The following NAPEPLD variants were observed in gnomAD, a reference collection of about 807,000 sequenced individuals.
NAPEPLD encodes the protein N-acyl phosphatidylethanolamine phospholipase D, also known as N-acyl-phosphatidylethanolamine-hydrolyzing phospholipase D.
A neutral mutation model predicts 38.1 loss-of-function variants in NAPEPLD; 23 were observed. The observed-to-expected ratio is 0.60, with a 90% CI of 0.43 to 0.86. NAPEPLD has a LOEUF of 0.86. NAPEPLD is among the 40% of genes least tolerant of loss of function. NAPEPLD has a pLI of 0.00. For missense variants in NAPEPLD, 411 were observed against 476.8 expected (o/e 0.86, Z 1.28); for synonymous variants, 147 against 162.0 (o/e 0.91, Z 0.71).
At chr7:103,119,544 T>A (rs1370034345) in intron 3 of NAPEPLD, 33 bp downstream of exon 3, 1 of 1,570,348 alleles carries the variant, frequency 6.4e-7, no homozygotes, top group African/African-American at 1.4e-5. Flanking sequence ...ATTTATCACA[T>A]AGCAGGAATG....
intron 2 of NAPEPLD, among the ~76,000 whole-genome samples, chr7:103,120,472 CT>C (rs1806425238): frequency 6.6e-6 from 1 of 151,940 alleles, no homozygotes; most frequent in South Asian, 2.1e-4. Context: ...AAATTTAAAA[CT>C]TTGAGTGCTG....
intron 2 of NAPEPLD, among the ~76,000 whole-genome samples, chr7:103,122,449 T>A (rs1806907463): frequency 6.6e-6 from 1 of 151,968 alleles, no homozygotes; most frequent in South Asian, 2.1e-4. Flanking sequence ...AGAGGGCAGA[T>A]GGGGAGATGC....
chr7:103,138,573 A>G (rs1214496494), intron 1 of NAPEPLD, among the ~76,000 whole-genome samples: 1 of 151,558 alleles, frequency 6.6e-6, no homozygotes, highest in African/African-American at 2.4e-5. Flanking sequence ...GGTTCAAACG[A>G]TTCTCCTGCC....
intron 4 of NAPEPLD, among the ~76,000 whole-genome samples, chr7:103,111,935 T>A (rs1804609800): frequency 6.6e-6 from 1 of 151,708 alleles, no homozygotes; most frequent in African/African-American, 2.4e-5. Context: ...CATCAAAAAG[T>A]GGGCAAAGGA....
intron 4 of NAPEPLD, among the ~76,000 whole-genome samples, chr7:103,112,435 G>A (rs1291540869): frequency 6.6e-6 from 1 of 152,172 alleles, no homozygotes; most frequent in Non-Finnish European, 1.5e-5. Flanking sequence ...AGAAAAGGAT[G>A]AGTTCATGTC....
intron 2 of NAPEPLD, among the ~76,000 whole-genome samples, chr7:103,124,431 C>T (rs866094144): frequency 1.3e-5 from 2 of 151,734 alleles, no homozygotes; most frequent in African/African-American, 4.8e-5. Context: ...GCACTCCAGC[C>T]TGGGCAACAA....
intron 1 of NAPEPLD, chr7:103,129,449 AT>A: frequency 2.8e-6 from 1 of 359,640 alleles, no homozygotes; most frequent in Non-Finnish European, 3.9e-6. Flanking sequence ...TCATACATGT[AT>A]TTAGAAAACA....
Position 103,128,544 on chromosome 7 carries a change from G to C in NAPEPLD, c.233C>G (p.Pro78Arg). The C allele has an allele frequency of 2.5e-6, 4 of 1,614,184 alleles. No individual in the cohort carries two copies. The highest frequency in any genetic ancestry group is 3.4e-6 in the Non-Finnish European group (4 of 1,180,038). ...CATTATCAGCCATCTGAGAACATTT[G>C]GAATAGAGGGGTTTTTCCATGTTGG... The part of the protein sequence containing the change: ...PWPTWKNPSI[P>R]NVLRWLIMEK... The change falls in exon 2 of 5, where the codon CCA (proline) becomes CGA (arginine). Residue 78 changes from proline to arginine, a missense_variant. Physicochemically the swap from Pro to Arg is moderately radical, Grantham distance 103. Coordinates refer to ENST00000465647, the MANE Select transcript of NAPEPLD (RefSeq NM_001122838.3).
intron 2 of NAPEPLD, among the ~76,000 whole-genome samples, chr7:103,125,019 AAAAAG>A (rs1219297743): frequency 6.6e-6 from 1 of 152,230 alleles, no homozygotes; most frequent in Non-Finnish European, 1.5e-5. Flanking sequence ...TAATGAGACA[AAAAAG>A]AAAGATGTGA....
At chr7:103,135,949 C>T (rs1432972839) in intron 1 of NAPEPLD, among the ~76,000 whole-genome samples, 5 of 152,040 alleles carry the variant, frequency 3.3e-5, no homozygotes, top group Non-Finnish European at 7.4e-5. Context: ...GTCTGTTAGT[C>T]ATTTAAGGAG....
Position 103,125,570 on chromosome 7 carries a change from G to A in NAPEPLD, c.294+2913C>T, listed in dbSNP as rs1056814943. On this transcript the variant is annotated intron_variant, in intron 2 of 4. Transcript: ENST00000465647. ...TTTTCAGTCATCCCTACGACTCTAC[G>A]AGACACAAGGTTTAAAAATGAAACA... Among the ~76,000 whole-genome samples the A allele has an allele frequency of 3.3e-5, 5 of 151,970 alleles. 1 individual carries two copies. Among genetic ancestry groups the A allele is most frequent in the East Asian group, 1.9e-4 (1 of 5,186 alleles).
rs1198171178 is a variant in NAPEPLD at position 103,115,140 on chromosome 7, C to A, written c.976G>T (p.Glu326Ter). The A allele has an allele frequency of 2.5e-6, 4 of 1,613,956 alleles. No individual in the cohort carries two copies. Among genetic ancestry groups the A allele is most frequent in the Non-Finnish European group, 1.7e-6 (2 of 1,179,936 alleles). The change falls in exon 4 of 5, where the codon GAA (glutamate) becomes TAA (stop). Residue 326 changes from glutamate (E) to a stop codon, truncating the protein, a stop_gained. Transcript: ENST00000465647. LOFTEE classifies it high-confidence loss of function. ...FMKYQHVDPE[E>*]AVRIHTDVQT... ...ACATCAGTGTGAATCCTTACAGCTT[C>A]TTCTGGGTCTACATGCTGGTATTTC...
intron 4 of NAPEPLD, among the ~76,000 whole-genome samples, chr7:103,111,142 C>T (rs1387793222): frequency 6.6e-6 from 1 of 152,168 alleles, no homozygotes. Context: ...ATTCCATGCT[C>T]ATGGATAGGA....
chr7:103,141,327 T>C (rs1811305762), intron 1 of NAPEPLD: 2 of 618,264 alleles, frequency 3.2e-6, no homozygotes, highest in Non-Finnish European at 6.1e-6. Flanking sequence ...GAGGCCAGTA[T>C]GTACACACAA....
chr7:103,120,321 T>A, intron 2 of NAPEPLD, 98 bp from the exon 3 acceptor site: 1 of 1,355,142 alleles, frequency 7.4e-7, no homozygotes, highest in Non-Finnish European at 9.9e-7. Flanking sequence ...CAAGAAGAGC[T>A]GTTTTAAGAG....
Position 103,141,781 on chromosome 7 carries a change from C to T in NAPEPLD, c.-17+7030G>A, listed in dbSNP as rs1197811304. 6 of 867,384 alleles carry T rather than the reference C, an allele frequency of 6.9e-6. No individual in the cohort carries two copies. In the East Asian group the frequency reaches 1.4e-4, roughly 21 times the overall value. The allele number at this position is 867,384 out of a possible 1,614,324, so 53.7% of individuals were successfully genotyped here. The stretch of plus-strand genomic sequence containing the variant: ...AAGCGGGGGAATGGACCATCACAGG[C>T]TTGCGGATGATCAGCCCATCTTTGA... On this transcript the variant is annotated intron_variant, in intron 1 of 4. Transcript: ENST00000465647.
rs199541377 is a variant in NAPEPLD at position 103,103,532 on chromosome 7, T to C, written c.1079A>G (p.Lys360Arg). The C allele has an allele frequency of 9.4e-6, 15 of 1,591,150 alleles. No homozygotes were observed. Among genetic ancestry groups the C allele is most frequent in the Non-Finnish European group, 3.4e-6 (4 of 1,174,016 alleles). Residue 360 changes from lysine to arginine, a missense_variant, in exon 5 of 5, where the codon AAG becomes AGG. By Grantham distance (26) the Lys-to-Arg change is conservative. Coordinates refer to ENST00000465647, the MANE Select transcript of NAPEPLD (RefSeq NM_001122838.3). ...GTATCTCTCTAGAGCTTCATTCAGC[T>C]TCACTGGAGGCTCTAAGTAATGCTG... is the stretch of plus-strand genomic sequence containing the variant. ...ANEHYLEPPV[K>R]LNEALERYGL...
At chr7:103,136,617 GAGTAAAGAAT>G (rs1179752003) in intron 1 of NAPEPLD, among the ~76,000 whole-genome samples, 1 of 149,310 alleles carries the variant, frequency 6.7e-6, no homozygotes, top group Non-Finnish European at 1.5e-5. Flanking sequence ...GCAAATTGAA[GAGTAAAGAAT>G]ATATGATAAA....
intron 1 of NAPEPLD, 88 bp from the exon 2 acceptor site, chr7:103,128,880 T>G: frequency 7.5e-7 from 1 of 1,336,798 alleles, no homozygotes; most frequent in South Asian, 1.5e-5. Context: ...CAATAAAAAT[T>G]TCTCTAAACT....
Sources: gnomAD v4.1 joint callset for allele counts (sites outside exome capture counted in the v4.1 genomes callset) on GRCh38, gnomAD v4.1.1 for gene constraint, MANE v1.5 for transcripts, NCBI Gene and HGNC (gene_info 2026-07-23, HGNC 2026-07-21) for gene names.